Variants in MAEA observed in about 807,000 individuals in gnomAD.
MAEA encodes E3 ubiquitin-protein transferase MAEA.
MAEA carries 22 observed loss-of-function variants against 46.2 expected under a neutral mutation model. That is an observed-to-expected ratio of 0.48 (90% CI 0.34 to 0.68). The LOEUF (loss-of-function observed/expected upper bound fraction) is 0.68, where lower values mean the gene tolerates loss of function less well. Ranked by LOEUF, MAEA falls within the 30% of genes least tolerant of loss-of-function variation. MAEA has a pLI of 0.01. For missense variants in MAEA, 393 were observed against 558.1 expected (o/e 0.70, Z 2.98); for synonymous variants, 246 against 222.6 (o/e 1.11, Z -0.94).
At chr4:1,292,140 G>T (rs1448113907) in intron 1 of MAEA, among the ~76,000 whole-genome samples, 1 of 152,192 alleles carries the variant, frequency 6.6e-6, no homozygotes, top group Admixed American at 6.5e-5. Context: ...TGGAAGGTGG[G>T]GGGTGGATGT....
In MAEA at chr4:1,309,674, G is replaced by T. The variant is rs757339253; in HGVS notation, c.70-2305G>T. 222 of 1,532,030 alleles carry T rather than the reference G, an allele frequency of 1.4e-4. 1 individual carries two copies. The African/African-American group carries it at 2.9e-3, about 20-fold the overall frequency. 94.9% of individuals were successfully genotyped at this position (1,532,030 alleles called of 1,614,324 possible). ...GTGGACCCTGAGAGCCACTGGCAGG[G>T]AGGTGGGGTCTTCCAGTTGTGAAGA... On this transcript the variant is annotated intron_variant, in intron 1 of 8. Coordinates refer to ENST00000303400, the MANE Select transcript of MAEA (RefSeq NM_001017405.3).
In MAEA at chr4:1,311,586, C is replaced by T. The variant is rs565956184; in HGVS notation, c.70-393C>T. 1.1e-3 allele frequency among the ~76,000 whole-genome samples: 175 copies of T among 152,250 alleles called. 1 individual carries two copies. Among genetic ancestry groups the T allele is most frequent in the African/African-American group, 3.8e-3 (158 of 41,552 alleles). ...TGCCCGGCCTGGCCTCGTGTGGTGG[C>T]GCCTGCAGCCGCAGCAGCCTGGCTG... On this transcript the variant is annotated intron_variant, in intron 1 of 8. Coordinates refer to ENST00000303400, the MANE Select transcript of MAEA (RefSeq NM_001017405.3). This position sits in a 1 kb window ranked among gnomAD's most constrained non-coding sequence, Gnocchi z 4.4.
At chr4:1,332,618 C>T (rs1045847793) in intron 5 of MAEA, 139 bp from the exon 6 acceptor site, 40 of 601,596 alleles carry the variant, frequency 6.6e-5, no homozygotes, top group South Asian at 4.2e-4. Flanking sequence ...TCGGGAAGAT[C>T]GCCTGAGCCT....
In MAEA at chr4:1,338,712, G is replaced by A. The variant is rs1358270943; in HGVS notation, c.1095+95G>A. On this transcript the variant is annotated intron_variant, in intron 8 of 8. Coordinates refer to ENST00000303400, the MANE Select transcript of MAEA (RefSeq NM_001017405.3). Reference sequence around the variant, plus strand: ...CAGGGCAGGGGGGCCAGGCTGGCACGCATCGCCATCGGGACAGGGCTGTGT... The same window carrying A: ...CAGGGCAGGGGGGCCAGGCTGGCACACATCGCCATCGGGACAGGGCTGTGT... The A allele has an allele frequency of 3.1e-5, 33 of 1,073,584 alleles. No individual in the cohort carries two copies. The South Asian group carries it at 3.9e-4, about 13-fold the overall frequency. The allele number at this position is 1,073,584 out of a possible 1,614,324, so 66.5% of individuals were successfully genotyped here. A position where few individuals can be genotyped will look rare whatever the true frequency, so the allele number is the denominator to read the frequency against.
rs1430157308 is a variant in MAEA at position 1,332,817 on chromosome 4, C to G, written c.717C>G (p.Ala239=). Reference sequence around the variant, plus strand: ...GCCAGCTGGACGAGGTGCGCCAGGCCATGGGCATGCTGGCCTTCCCGCCCG... The same window carrying G: ...GCCAGCTGGACGAGGTGCGCCAGGCGATGGGCATGCTGGCCTTCCCGCCCG... ...EGSQLDEVRQ[A]MGMLAFPPDT... The change falls in exon 6 of 9, where the codon GCC becomes GCG. Residue 239 remains alanine, a synonymous_variant. Coordinates refer to ENST00000303400, the MANE Select transcript of MAEA (RefSeq NM_001017405.3). 1 of 1,613,320 alleles carries G rather than the reference C, an allele frequency of 6.2e-7. No individual in the cohort carries two copies. Among genetic ancestry groups the G allele is most frequent in the Admixed American group, 1.7e-5 (1 of 60,014 alleles).
At chr4:1,318,867 G>A (rs1223192727) in intron 3 of MAEA, among the ~76,000 whole-genome samples, 1 of 152,192 alleles carries the variant, frequency 6.6e-6, no homozygotes, top group African/African-American at 2.4e-5. Context: ...CTCATGCTCT[G>A]GATTGGAGCA....
intron 4 of MAEA, chr4:1,323,697 G>A (rs1738435348): frequency 1.5e-6 from 1 of 685,360 alleles, no homozygotes; most frequent in African/African-American, 1.8e-5. Flanking sequence ...AACTCTGCCA[G>A]GGCTGTTTCC....
chr4:1,308,074 A>T lies in MAEA; in HGVS notation c.70-3905A>T, dbSNP rs1233425009. Among the ~76,000 whole-genome samples, 7 of 94,990 alleles carry T rather than the reference A, an allele frequency of 7.4e-5. No individual in the cohort carries two copies. The East Asian group carries it at 1.5e-3, about 20-fold the overall frequency. 62.3% of individuals were successfully genotyped at this position (94,990 alleles called of 152,430 possible). A position where few individuals can be genotyped will look rare whatever the true frequency, so the allele number is the denominator to read the frequency against. On this transcript the variant is annotated intron_variant, in intron 1 of 8. Coordinates refer to ENST00000303400, the MANE Select transcript of MAEA (RefSeq NM_001017405.3). ...CGTTAGGCGACTTTGCGGTGTGAAC[A>T]TCGTGGAATGAACTAACAGGAGCCA...
At chr4:1,323,459 G>A (rs77343904) in intron 4 of MAEA, 33,558 of 702,392 alleles carry the variant, frequency 0.048, 1,006 homozygotes, top group Middle Eastern at 0.059. Context: ...CAGGGTGCAC[G>A]CAGTTACCAG....
In MAEA at chr4:1,339,195, C is replaced by T. The variant is rs767836514; in HGVS notation, c.*26C>T. Reference sequence around the variant, plus strand: ...GCCCCACGTCGTGAAGCGCACGCCTCGGGGACGGGCTGCAGTGGGCGGGGA... The same window carrying T: ...GCCCCACGTCGTGAAGCGCACGCCTTGGGGACGGGCTGCAGTGGGCGGGGA... On this transcript the variant is annotated 3_prime_UTR_variant, in exon 9 of 9. Coordinates refer to ENST00000303400, the MANE Select transcript of MAEA (RefSeq NM_001017405.3). 4 of 1,580,954 alleles carry T rather than the reference C, an allele frequency of 2.5e-6. No individual in the cohort carries two copies. Among genetic ancestry groups the T allele is most frequent in the Middle Eastern group, 3.3e-4 (2 of 6,018 alleles).
At chr4:1,330,036 G>C in intron 5 of MAEA, 1 of 985,450 alleles carries the variant, frequency 1.0e-6, no homozygotes. Flanking sequence ...CCAGCGTGCT[G>C]GGCCGGGCAG....
rs1416717708 is a variant in MAEA at position 1,311,878 on chromosome 4, C to T, written c.70-101C>T. 3.0e-6 allele frequency: 3 copies of T among 1,010,630 alleles called. No homozygotes were observed. The highest frequency in any genetic ancestry group is 4.4e-6 in the Non-Finnish European group (3 of 678,114). The allele number at this position is 1,010,630 out of a possible 1,614,324, so 62.6% of individuals were successfully genotyped here. On this transcript the variant is annotated intron_variant, in intron 1 of 8. Coordinates refer to ENST00000303400, the MANE Select transcript of MAEA (RefSeq NM_001017405.3). This position sits in a 1 kb window ranked among gnomAD's most constrained non-coding sequence, Gnocchi z 4.4. The stretch of plus-strand genomic sequence containing the variant: ...GACCATGAACCTTCTGAGACTTCTG[C>T]CTCTACAAGTGCCATGAGGAGACCT...
At chr4:1,306,289 G>A (rs7673398) in intron 1 of MAEA, among the ~76,000 whole-genome samples, 80,601 of 151,992 alleles carry the variant, frequency 0.53, 21,527 homozygotes, top group Admixed American at 0.59. Context: ...ACGTCTTCCT[G>A]GAGATTACCT....
In MAEA at chr4:1,330,241, G is replaced by A. The variant is rs566610869; in HGVS notation, c.657-2516G>A. The A allele has an allele frequency of 2.7e-4, 181 of 661,438 alleles. No homozygotes were observed. In the African/African-American group the frequency reaches 3.5e-3, roughly 13 times the overall value. 41.0% of individuals were successfully genotyped at this position (661,438 alleles called of 1,614,324 possible). A position where few individuals can be genotyped will look rare whatever the true frequency, so the allele number is the denominator to read the frequency against. ...TCATGGGCTTTGTGTGAGCAGCTCC[G>A]TGCCGTCTGTCGCACACCCACACCT... On this transcript the variant is annotated intron_variant, in intron 5 of 8. Coordinates refer to ENST00000303400, the MANE Select transcript of MAEA (RefSeq NM_001017405.3).
chr4:1,314,765 C>T (rs1344590690), intron 2 of MAEA, among the ~76,000 whole-genome samples: 1 of 152,222 alleles, frequency 6.6e-6, no homozygotes. Flanking sequence ...AAAGGGGCAA[C>T]AGACAGCCGG....
chr4:1,337,033 GT>G, intron 7 of MAEA, 39 bp downstream of exon 7: 3 of 1,607,308 alleles, frequency 1.9e-6, no homozygotes, highest in Non-Finnish European at 2.5e-6. Flanking sequence ...TTGGCCTGGG[GT>G]TGGCATCTTT....
At chr4:1,310,115 C>G in intron 1 of MAEA, 1 of 718,250 alleles carries the variant, frequency 1.4e-6, no homozygotes, top group South Asian at 6.3e-5. Context: ...ACAGGCAGAG[C>G]AAAGACTGAG....
intron 7 of MAEA, 114 bp downstream of exon 7, chr4:1,337,108 C>G: frequency 7.5e-7 from 1 of 1,331,186 alleles, no homozygotes; most frequent in East Asian, 2.3e-5. Flanking sequence ...CAGACAGCCC[C>G]GAGCTCCCGT....
intron 1 of MAEA, among the ~76,000 whole-genome samples, chr4:1,310,270 G>T (rs906574268): frequency 6.6e-6 from 1 of 152,222 alleles, no homozygotes; most frequent in East Asian, 1.9e-4. Flanking sequence ...CGTTGAGCTC[G>T]CTTGCACTGG....
Sources: gnomAD v4.1 joint callset for allele counts (sites outside exome capture counted in the v4.1 genomes callset) on GRCh38, gnomAD v4.1.1 for gene constraint, Gnocchi (gnomAD v3.1) non-coding constraint, MANE v1.5 for transcripts, NCBI Gene and HGNC (gene_info 2026-07-23, HGNC 2026-07-21) for gene names.